CPD: variants seen among roughly 807,000 people sequenced by gnomAD.
CPD encodes metallocarboxypeptidase D.
CPD carries 69 observed loss-of-function variants against 138.3 expected under a neutral mutation model. The observed-to-expected ratio is 0.50, with a 90% CI of 0.41 to 0.61. CPD has a LOEUF of 0.61. Among genes scored for constraint, CPD ranks in the 20% least tolerant of loss-of-function variants. CPD has a pLI of 0.00. For synonymous variants in CPD, 651 were observed against 642.1 expected (o/e 1.01, Z -0.21); for missense variants, 1,432 against 1,733.3 (o/e 0.83, Z 3.09).
chr17:30,386,757 G>C (rs1254556266), intron 2 of CPD, among the ~76,000 whole-genome samples: 1 of 152,088 alleles, frequency 6.6e-6, no homozygotes, highest in Non-Finnish European at 1.5e-5. Flanking sequence ...ATTCTTAAGG[G>C]TGATCCATTT....
chr17:30,399,857 G>T (rs890586845), intron 2 of CPD, among the ~76,000 whole-genome samples: 2 of 152,092 alleles, frequency 1.3e-5, no homozygotes, highest in Non-Finnish European at 2.9e-5. Flanking sequence ...GGGCATGGTG[G>T]CAGGCACCTG....
At chr17:30,463,111 G>C (rs937001701) in intron 20 of CPD, among the ~76,000 whole-genome samples, 14 of 152,170 alleles carry the variant, frequency 9.2e-5, no homozygotes, top group African/African-American at 3.4e-4. Context: ...TTTGTTTATG[G>C]CCAGTTTTGG....
intron 2 of CPD, among the ~76,000 whole-genome samples, chr17:30,408,245 C>T (rs1911858587): frequency 6.6e-6 from 1 of 152,160 alleles, no homozygotes; most frequent in South Asian, 2.1e-4. Flanking sequence ...TAGCATGATG[C>T]CTCCAGCTTT....
intron 7 of CPD, among the ~76,000 whole-genome samples, chr17:30,428,456 A>G (rs1223625334): frequency 3.3e-5 from 5 of 152,238 alleles, no homozygotes; most frequent in Non-Finnish European, 7.3e-5. Flanking sequence ...ATCATCTGAT[A>G]AATAGATAAA....
chr17:30,392,431 CT>C (rs1163914695), intron 2 of CPD, among the ~76,000 whole-genome samples: 2 of 151,984 alleles, frequency 1.3e-5, no homozygotes, highest in East Asian at 1.9e-4. Flanking sequence ...ATTATTTGAA[CT>C]TTTTTTTCTT....
At chr17:30,398,664 A>G (rs1911573452) in intron 2 of CPD, among the ~76,000 whole-genome samples, 1 of 152,148 alleles carries the variant, frequency 6.6e-6, no homozygotes, top group Non-Finnish European at 1.5e-5. Flanking sequence ...AGGATTACTT[A>G]TTATACAGTC....
chr17:30,458,551 G>A (rs1258223726), intron 17 of CPD, among the ~76,000 whole-genome samples: 2 of 151,930 alleles, frequency 1.3e-5, no homozygotes, highest in Non-Finnish European at 2.9e-5. Flanking sequence ...GCTCCCTGCC[G>A]CCTATCCTTG....
chr17:30,418,592 T>TGTA (rs202198343), intron 2 of CPD, among the ~76,000 whole-genome samples: 1,899 of 152,310 alleles, frequency 0.012, 32 homozygotes, highest in African/African-American at 0.043. Flanking sequence ...AATTTACCAT[T>TGTA]GTAACTGTTT....
rs557770780 is a variant in CPD at position 30,389,214 on chromosome 17, G to A, written c.994+3978G>A. On this transcript the variant is annotated intron_variant, in intron 2 of 20. Transcript: ENST00000225719. ...AGGGGTGGCTGTCCGCCTCCTTCCCGCACCTTCCGGCCTGCTGCTGCTATC... is the reference window on the plus strand; with the variant it reads ...AGGGGTGGCTGTCCGCCTCCTTCCCACACCTTCCGGCCTGCTGCTGCTATC... Among the ~76,000 whole-genome samples the A allele has an allele frequency of 9.2e-5, 14 of 152,234 alleles. No homozygotes were observed. The East Asian group carries it at 2.7e-3, about 29-fold the overall frequency.
chr17:30,398,561 C>T (rs562287350), intron 2 of CPD, among the ~76,000 whole-genome samples: 6 of 152,044 alleles, frequency 3.9e-5, no homozygotes, highest in Non-Finnish European at 5.9e-5. Context: ...TCAGTGGCTG[C>T]TCCCTGTTTG....
At position 30,421,670 on chromosome 17, in the gene CPD, A is replaced by G. The variant is rs1245725260; in HGVS notation, c.1144A>G (p.Ile382Val). ...TGGATTCTTGTCTTCTTAGGTTCAC[A>G]TTGGAGTGAAAGGATTTGTTAAAGA... ...SLITLIEKVH[I>V]GVKGFVKDSI... Residue 382 changes from isoleucine to valine, a missense_variant, in exon 4 of 21, where the codon ATT becomes GTT. Ile to Val is a conservative substitution (Grantham distance 29). Transcript: ENST00000225719. The G allele has an allele frequency of 6.2e-7, 1 of 1,613,548 alleles. No homozygotes were observed. The highest frequency in any genetic ancestry group is 8.5e-7 in the Non-Finnish European group (1 of 1,179,642).
chr17:30,399,781 GGAGTTC>G (rs1380692712), intron 2 of CPD, among the ~76,000 whole-genome samples: 1 of 152,164 alleles, frequency 6.6e-6, no homozygotes, highest in East Asian at 1.9e-4. Flanking sequence ...CTTGAGGTCA[GGAGTTC>G]GAGACCAGCC....
intron 2 of CPD, among the ~76,000 whole-genome samples, chr17:30,405,614 C>G (rs1054283688): frequency 6.6e-6 from 1 of 152,100 alleles, no homozygotes; most frequent in African/African-American, 2.4e-5. Context: ...GTTTCAGTTA[C>G]TGTGATTTCT....
In CPD at chr17:30,385,860, T is replaced by C. The variant is rs560250153; in HGVS notation, c.994+624T>C. ...TATGGAAAAATTCCATAATCTAGAT[T>C]GTCACTTTCTTCATGGTAAGATTAG... On this transcript the variant is annotated intron_variant, in intron 2 of 20. Coordinates refer to ENST00000225719, the MANE Select transcript of CPD (RefSeq NM_001304.5). 5.9e-5 allele frequency among the ~76,000 whole-genome samples: 9 copies of C among 151,566 alleles called. No individual in the cohort carries two copies. The South Asian group carries it at 1.9e-3, about 32-fold the overall frequency.
At chr17:30,444,359 G>A (rs1428404320) in intron 11 of CPD, among the ~76,000 whole-genome samples, 1 of 152,094 alleles carries the variant, frequency 6.6e-6, no homozygotes. Flanking sequence ...TATTGGAAAT[G>A]TGTTCAAGAT....
rs1326275075 is a variant in CPD, at chr17:30,379,821, G to A, written c.746+95G>A. ...AGGCGCTCAGACAATGCTGGCATAA[G>A]GGGTGGCGGTGGTGAAGGTGAAGGG... On this transcript the variant is annotated intron_variant, in intron 1 of 20. Coordinates refer to ENST00000225719, the MANE Select transcript of CPD (RefSeq NM_001304.5). The surrounding 1 kb of genome is among the most constrained non-coding windows in gnomAD (Gnocchi z 7.0). 1 of 914,650 alleles carries A rather than the reference G, an allele frequency of 1.1e-6. No homozygotes were observed. Among genetic ancestry groups the A allele is most frequent in the South Asian group, 2.8e-5 (1 of 36,018 alleles). The allele number at this position is 914,650 out of a possible 1,614,324, so 56.7% of individuals were successfully genotyped here.
At chr17:30,429,269 T>C (rs1186874009) in intron 7 of CPD, among the ~76,000 whole-genome samples, 2 of 152,204 alleles carry the variant, frequency 1.3e-5, no homozygotes, top group Non-Finnish European at 2.9e-5. Flanking sequence ...AAAAATAGTC[T>C]CATAATAAAT....
chr17:30,430,292 T>C lies in CPD; in HGVS notation c.2018-1480T>C, dbSNP rs75173982. 7.3e-3 allele frequency among the ~76,000 whole-genome samples: 1,105 copies of C among 152,230 alleles called. 8 individuals carry two copies. Among genetic ancestry groups the C allele is most frequent in the Non-Finnish European group, 0.013 (870 of 68,008 alleles). On this transcript the variant is annotated intron_variant, in intron 7 of 20. Coordinates refer to ENST00000225719, the MANE Select transcript of CPD (RefSeq NM_001304.5). ...CACCCATTTAACAGTGACTCCCCTTTCCCTTCTCCCCTCAACCTCTGGTAA... is the reference window on the plus strand; with the variant it reads ...CACCCATTTAACAGTGACTCCCCTTCCCCTTCTCCCCTCAACCTCTGGTAA...
intron 9 of CPD, among the ~76,000 whole-genome samples, chr17:30,439,480 C>T (rs550406400): frequency 2.3e-5 from 3 of 130,698 alleles, no homozygotes; most frequent in South Asian, 2.6e-4. Flanking sequence ...CATATGTATA[C>T]ATGTGCCATG....
Sources: allele counts gnomAD v4.1 joint callset (sites outside exome capture counted in the v4.1 genomes callset), GRCh38; gene constraint gnomAD v4.1.1; non-coding constraint Gnocchi (gnomAD v3.1); transcripts MANE v1.5; gene names NCBI Gene and HGNC (gene_info 2026-07-23, HGNC 2026-07-21).